Variants in NANOS2 observed in about 807,000 individuals in gnomAD.
NANOS2 encodes nanos homolog 2.
In NANOS2, 3 loss-of-function variants were observed where a neutral mutation model predicts 6.4. The ratio of observed to expected loss-of-function variants is 0.47; its 90% CI spans 0.22 to 1.22. The LOEUF (loss-of-function observed/expected upper bound fraction) is 1.22. Among genes scored for constraint, NANOS2 ranks in the 50% most tolerant of loss-of-function variants. The probability of loss-of-function intolerance (pLI) is 0.22; values close to 1 mark genes in which losing one functional copy is unlikely to be tolerated. For synonymous variants in NANOS2, 86 were observed against 85.6 expected (o/e 1.00, Z -0.03); for missense variants, 177 against 191.0 (o/e 0.93, Z 0.43).
Position 45,914,476 on chromosome 19 carries a change from C to G in NANOS2, c.218G>C (p.Arg73Pro), listed in dbSNP as rs528874122. Residue 73 changes from arginine to proline, a missense_variant, in exon 1 of 1, where the codon CGC becomes CCC. Arg to Pro is a moderately radical substitution (Grantham distance 103, BLOSUM62 -2). Coordinates refer to ENST00000341294, the MANE Select transcript of NANOS2 (RefSeq NM_001029861.3). The part of the protein sequence containing the change: ...CNFCKHNGES[R>P]HVYSSHQLKT... ...CAGCTGGTGTGAGGAGTAGACGTGGCGGGACTCCCCGTTGTGCTTGCAGAA... is the reference window on the plus strand; with the variant it reads ...CAGCTGGTGTGAGGAGTAGACGTGGGGGGACTCCCCGTTGTGCTTGCAGAA... 3 of 1,614,014 alleles carry G rather than the reference C, an allele frequency of 1.9e-6. No individual in the cohort carries two copies. The highest frequency in any genetic ancestry group is 2.2e-5 in the East Asian group (1 of 44,902).
chr19:45,913,604 G>C lies in NANOS2; in HGVS notation c.*673C>G, dbSNP rs1967437135. On this transcript the variant is annotated 3_prime_UTR_variant, in exon 1 of 1. Transcript: ENST00000341294. ...AAGAACAACCAGGGGGCATTGAAAGGTGTCAGCTCACCCCACGGCTCTCCA... is the reference window on the plus strand; with the variant it reads ...AAGAACAACCAGGGGGCATTGAAAGCTGTCAGCTCACCCCACGGCTCTCCA... 6.6e-6 allele frequency: 1 copy of C among 152,396 alleles called. No homozygotes were observed. Among genetic ancestry groups the C allele is most frequent in the African/African-American group, 2.4e-5 (1 of 41,438 alleles). The allele number at this position is 152,396 out of a possible 1,614,324, so 9.4% of individuals were successfully genotyped here. A position where few individuals can be genotyped will look rare whatever the true frequency, so the allele number is the denominator to read the frequency against.
Position 45,914,189 on chromosome 19 carries a change from G to C in NANOS2, c.*88C>G. The C allele has an allele frequency of 7.6e-7, 1 of 1,322,046 alleles. No individual in the cohort carries two copies. The highest frequency in any genetic ancestry group is 1.0e-6 in the Non-Finnish European group (1 of 971,516). The allele number at this position is 1,322,046 out of a possible 1,614,324, so 81.9% of individuals were successfully genotyped here. A position where few individuals can be genotyped will look rare whatever the true frequency, so the allele number is the denominator to read the frequency against. On this transcript the variant is annotated 3_prime_UTR_variant, in exon 1 of 1. Coordinates refer to ENST00000341294, the MANE Select transcript of NANOS2 (RefSeq NM_001029861.3). Reference sequence around the variant, plus strand: ...GTTCTGGGGGCCAGAAATTCCAAAGGGCTGGGTGACTGGAAGAGAGAGTTT... The same window carrying C: ...GTTCTGGGGGCCAGAAATTCCAAAGCGCTGGGTGACTGGAAGAGAGAGTTT...
In NANOS2 at chr19:45,914,152, A is replaced by C; in HGVS notation, c.*125T>G. ...AGCAGCCTCCACTGTTTCAGGATCC[A>C]GCCAGGGTGGAGTTCTGGGGGCCAG... is the stretch of plus-strand genomic sequence containing the variant. On this transcript the variant is annotated 3_prime_UTR_variant, in exon 1 of 1. Transcript: ENST00000341294. The C allele has an allele frequency of 1.0e-6, 1 of 995,118 alleles. No homozygotes were observed. Among genetic ancestry groups the C allele is most frequent in the South Asian group, 1.6e-5 (1 of 61,128 alleles). 61.6% of individuals were successfully genotyped at this position (995,118 alleles called of 1,614,324 possible).
At position 45,914,221 on chromosome 19, in the gene NANOS2, T is replaced by C; in HGVS notation, c.*56A>G. The C allele has an allele frequency of 6.7e-7, 1 of 1,503,298 alleles. No individual in the cohort carries two copies. Among genetic ancestry groups the C allele is most frequent in the Admixed American group, 2.0e-5 (1 of 50,628 alleles). The allele number at this position is 1,503,298 out of a possible 1,614,324, so 93.1% of individuals were successfully genotyped here. On this transcript the variant is annotated 3_prime_UTR_variant, in exon 1 of 1. Coordinates refer to ENST00000341294, the MANE Select transcript of NANOS2 (RefSeq NM_001029861.3). The stretch of plus-strand genomic sequence containing the variant: ...TGACTGGAAGAGAGAGTTTAGGGAC[T>C]TGGGTGGGATGGACCAGGAGGGTCA...
chr19:45,914,533 C>T lies in NANOS2; in HGVS notation c.161G>A (p.Gly54Glu), dbSNP rs747390183. 1.9e-6 allele frequency: 3 copies of T among 1,614,100 alleles called. No homozygotes were observed. Among genetic ancestry groups the T allele is most frequent in the East Asian group, 4.5e-5 (2 of 44,886 alleles). Residue 54 changes from glycine (G) to glutamate (E), a missense_variant, in exon 1 of 1, where the codon GGG becomes GAG. Physicochemically the swap from Gly to Glu is moderately conservative, Grantham distance 98 (BLOSUM62 -2). Coordinates refer to ENST00000341294, the MANE Select transcript of NANOS2 (RefSeq NM_001029861.3). ...LGQDQGLGAP[G>E]ANGGLGTLCN... ...CAGGGTCCCCAGGCCCCCGTTGGCC[C>T]CTGGCGCCCCCAGCCCCTGATCCTG...
Position 45,914,770 on chromosome 19 carries a change from G to A in NANOS2, c.-77C>T. The A allele has an allele frequency of 2.1e-6, 3 of 1,399,382 alleles. No homozygotes were observed. The highest frequency in any genetic ancestry group is 4.4e-5 in the Admixed American group (2 of 45,244). The allele number at this position is 1,399,382 out of a possible 1,614,324, so 86.7% of individuals were successfully genotyped here. ...CCGTGGGCAAGGGCAAGAGCAGCAG[G>A]CGTTTCCCAGAGCAGAAGGGAGCTG... On this transcript the variant is annotated 5_prime_UTR_variant, in exon 1 of 1. Coordinates refer to ENST00000341294, the MANE Select transcript of NANOS2 (RefSeq NM_001029861.3).
At position 45,914,397 on chromosome 19, in the gene NANOS2, G is replaced by A. The variant is rs147247432; in HGVS notation, c.297C>T (p.Pro99=). The change falls in exon 1 of 1, where the codon CCC becomes CCT. Residue 99 remains proline (P), a synonymous_variant. Transcript: ENST00000341294. ...VCPILRHYVC[P]VCGATGDQAH... is the part of the protein sequence containing the mutation. ...CCTGGTCACCGGTGGCCCCGCACAC[G>A]GGACACACGTAGTGCCTCAGGATGG... 17 of 1,614,154 alleles carry A rather than the reference G, an allele frequency of 1.1e-5. No homozygotes were observed. The highest frequency in any genetic ancestry group is 1.4e-5 in the Non-Finnish European group (17 of 1,180,016).
Position 45,913,312 on chromosome 19 carries a change from C to G in NANOS2, c.*965G>C, listed in dbSNP as rs1043228105. Reference sequence around the variant, plus strand: ...TGAACAACTTAAAATCTGACGGGGGCCCTTCTTCTCTTTGCCCCTAAAATA... The same window carrying G: ...TGAACAACTTAAAATCTGACGGGGGGCCTTCTTCTCTTTGCCCCTAAAATA... On this transcript the variant is annotated 3_prime_UTR_variant, in exon 1 of 1. Transcript: ENST00000341294. The G allele has an allele frequency of 6.6e-6, 1 of 152,158 alleles. No individual in the cohort carries two copies. The highest frequency in any genetic ancestry group is 6.6e-5 in the Admixed American group (1 of 15,262). The allele number at this position is 152,158 out of a possible 1,614,324, so 9.4% of individuals were successfully genotyped here. A position where few individuals can be genotyped will look rare whatever the true frequency, so the allele number is the denominator to read the frequency against.
rs773383669 is a variant in NANOS2, at chr19:45,914,539, G to T, written c.155C>A (p.Ala52Glu). 5.0e-6 allele frequency: 8 copies of T among 1,613,922 alleles called. No individual in the cohort carries two copies. Among genetic ancestry groups the T allele is most frequent in the Non-Finnish European group, 5.9e-6 (7 of 1,179,982 alleles). Residue 52 changes from alanine to glutamate, a missense_variant, in exon 1 of 1, where the codon GCG becomes GAG. Transcript: ENST00000341294. ...PPLGQDQGLG[A>E]PGANGGLGTL... The stretch of plus-strand genomic sequence containing the variant: ...CCCCAGGCCCCCGTTGGCCCCTGGC[G>T]CCCCCAGCCCCTGATCCTGCCCCAG...
In NANOS2 at chr19:45,914,454, C is replaced by A. The variant is rs768808766; in HGVS notation, c.240G>T (p.Gln80His). 29 of 1,614,196 alleles carry A rather than the reference C, an allele frequency of 1.8e-5. No homozygotes were observed. In the South Asian group the frequency reaches 3.0e-4, roughly 16 times the overall value. Residue 80 changes from glutamine to histidine, a missense_variant, in exon 1 of 1, where the codon CAG becomes CAT. Coordinates refer to ENST00000341294, the MANE Select transcript of NANOS2 (RefSeq NM_001029861.3). ...GESRHVYSSH[Q>H]LKTPDGVVVC... ...CCACCACGCCATCCGGTGTCTTCAG[C>A]TGGTGTGAGGAGTAGACGTGGCGGG...
At position 45,913,589 on chromosome 19, in the gene NANOS2, AG is replaced by A. The variant is rs1472208934; in HGVS notation, c.*687del. On this transcript the variant is annotated 3_prime_UTR_variant, in exon 1 of 1. Transcript: ENST00000341294. ...GGGCTGAACAAGGGGAAGAACAACC[AG>A]GGGGCATTGAAAGGTGTCAGCTCAC... The A allele has an allele frequency of 6.6e-6, 1 of 152,250 alleles. No individual in the cohort carries two copies. The allele number at this position is 152,250 out of a possible 1,614,324, so 9.4% of individuals were successfully genotyped here.
At position 45,914,432 on chromosome 19, in the gene NANOS2, C is replaced by G. The variant is rs1967447081; in HGVS notation, c.262G>C (p.Val88Leu). The change falls in exon 1 of 1, where the codon GTG (valine) becomes CTG (leucine). Residue 88 changes from valine to leucine, a missense_variant. By Grantham distance (32) the Val-to-Leu change is conservative (BLOSUM62 1). Coordinates refer to ENST00000341294, the MANE Select transcript of NANOS2 (RefSeq NM_001029861.3). ...SHQLKTPDGV[V>L]VCPILRHYVC... Reference sequence around the variant, plus strand: ...TAGTGCCTCAGGATGGGACACACCACCACGCCATCCGGTGTCTTCAGCTGG... The same window carrying G: ...TAGTGCCTCAGGATGGGACACACCAGCACGCCATCCGGTGTCTTCAGCTGG... The G allele has an allele frequency of 6.2e-7, 1 of 1,614,082 alleles. No individual in the cohort carries two copies. The highest frequency in any genetic ancestry group is 1.1e-5 in the South Asian group (1 of 91,094).
chr19:45,914,740 G>A lies in NANOS2; in HGVS notation c.-47C>T, dbSNP rs1449076299. 2.6e-6 allele frequency: 4 copies of A among 1,549,666 alleles called. No individual in the cohort carries two copies. Among genetic ancestry groups the A allele is most frequent in the Non-Finnish European group, 1.7e-6 (2 of 1,144,734 alleles). The stretch of plus-strand genomic sequence containing the variant: ...GGCCACAGGAGAGGGGCTGGGGCTG[G>A]GGGCCCGTGGGCAAGGGCAAGAGCA... On this transcript the variant is annotated 5_prime_UTR_variant, in exon 1 of 1. Coordinates refer to ENST00000341294, the MANE Select transcript of NANOS2 (RefSeq NM_001029861.3).
At position 45,914,102 on chromosome 19, in the gene NANOS2, AG is replaced by A; in HGVS notation, c.*174del. ...AGAGCTCCGAGGGCTGACAGGTCCA[AG>A]GGGGCGGGGCTGGCCTGGCTCCCAG... On this transcript the variant is annotated 3_prime_UTR_variant, in exon 1 of 1. Coordinates refer to ENST00000341294, the MANE Select transcript of NANOS2 (RefSeq NM_001029861.3). The A allele has an allele frequency of 1.5e-6, 1 of 680,386 alleles. No homozygotes were observed. Among genetic ancestry groups the A allele is most frequent in the Non-Finnish European group, 2.4e-6 (1 of 410,090 alleles). 42.1% of individuals were successfully genotyped at this position (680,386 alleles called of 1,614,324 possible).
chr19:45,914,186 A>G lies in NANOS2; in HGVS notation c.*91T>C. 1 of 1,306,092 alleles carries G rather than the reference A, an allele frequency of 7.7e-7. No homozygotes were observed. Among genetic ancestry groups the G allele is most frequent in the Non-Finnish European group, 1.0e-6 (1 of 963,494 alleles). 80.9% of individuals were successfully genotyped at this position (1,306,092 alleles called of 1,614,324 possible). ...GGAGTTCTGGGGGCCAGAAATTCCA[A>G]AGGGCTGGGTGACTGGAAGAGAGAG... On this transcript the variant is annotated 3_prime_UTR_variant, in exon 1 of 1. Transcript: ENST00000341294.
In NANOS2 at chr19:45,913,782, T is replaced by TG. The variant is rs1967439068; in HGVS notation, c.*494dup. Reference sequence around the variant, plus strand: ...CCGTGGTTCTGCAGGAGGCTGAAGATGGAGAAGGCTGGTCTTAAGTCGACA... The same window carrying TG: ...CCGTGGTTCTGCAGGAGGCTGAAGATGGGAGAAGGCTGGTCTTAAGTCGACA... On this transcript the variant is annotated 3_prime_UTR_variant, in exon 1 of 1. Transcript: ENST00000341294. The TG allele has an allele frequency of 2.5e-5, 4 of 160,548 alleles. 1 individual carries two copies. The South Asian group carries it at 7.1e-4, about 29-fold the overall frequency. 9.9% of individuals were successfully genotyped at this position (160,548 alleles called of 1,614,324 possible). A position where few individuals can be genotyped will look rare whatever the true frequency, so the allele number is the denominator to read the frequency against.
Position 45,914,595 on chromosome 19 carries a change from T to C in NANOS2, c.99A>G (p.Gln33=), listed in dbSNP as rs1967450424. ...IASRGQRLET[Q]EIEEPSPGPP... ...GCCCGGGACTTGGCTCCTCAATCTC[T>C]TGGGTCTCCAGCCTTTGACCCCGAC... Residue 33 remains glutamine (Q), a synonymous_variant, in exon 1 of 1, where the codon CAA becomes CAG. Coordinates refer to ENST00000341294, the MANE Select transcript of NANOS2 (RefSeq NM_001029861.3). The C allele has an allele frequency of 6.2e-7, 1 of 1,614,096 alleles. No homozygotes were observed. The highest frequency in any genetic ancestry group is 1.3e-5 in the African/African-American group (1 of 74,950).
chr19:45,914,254 G>T lies in NANOS2; in HGVS notation c.*23C>A, dbSNP rs1236661251. ...GATGGACCAGGAGGGTCAGGGGTGC[G>T]GGTGGTGAGCATCTCACGATGCTCA... is the stretch of plus-strand genomic sequence containing the variant. On this transcript the variant is annotated 3_prime_UTR_variant, in exon 1 of 1. Transcript: ENST00000341294. The T allele has an allele frequency of 3.8e-6, 6 of 1,592,202 alleles. No homozygotes were observed. In the Admixed American group the frequency reaches 6.8e-5, roughly 18 times the overall value.
In NANOS2 at chr19:45,914,247, G is replaced by A. The variant is rs572895891; in HGVS notation, c.*30C>T. 6.1e-5 allele frequency: 97 copies of A among 1,586,012 alleles called. 1 individual carries two copies. The South Asian group carries it at 1.0e-3, about 17-fold the overall frequency. ...TGGGTGGGATGGACCAGGAGGGTCAGGGGTGCGGGTGGTGAGCATCTCACG... is the reference window on the plus strand; with the variant it reads ...TGGGTGGGATGGACCAGGAGGGTCAAGGGTGCGGGTGGTGAGCATCTCACG... On this transcript the variant is annotated 3_prime_UTR_variant, in exon 1 of 1. Coordinates refer to ENST00000341294, the MANE Select transcript of NANOS2 (RefSeq NM_001029861.3).
Sources: allele counts gnomAD v4.1 joint callset, GRCh38; gene constraint gnomAD v4.1.1; transcripts MANE v1.5; gene names NCBI Gene and HGNC (gene_info 2026-07-23, HGNC 2026-07-21).